Variants in GABBR2 observed in about 807,000 individuals in gnomAD.
The protein encoded by GABBR2 is gamma-aminobutyric acid type B receptor subunit 2.
A neutral mutation model predicts 105.6 loss-of-function variants in GABBR2; 23 were observed. That is an observed-to-expected ratio of 0.22 (90% confidence interval 0.16 to 0.31). The LOEUF (loss-of-function observed/expected upper bound fraction) is 0.31, where lower values mean the gene tolerates loss of function less well. GABBR2 is among the 10% of genes least tolerant of loss of function. The pLI, the probability that GABBR2 is intolerant of heterozygous loss-of-function variation, is 1.00. For synonymous variants in GABBR2, 478 were observed against 499.7 expected (o/e 0.96, Z 0.58); for missense variants, 734 against 1,245.5 (o/e 0.59, Z 6.18).
chr9:98,455,863 A>T (rs1019100964), intron 6 of GABBR2, among the ~76,000 whole-genome samples: 1 of 152,136 alleles, frequency 6.6e-6, no homozygotes, highest in Non-Finnish European at 1.5e-5. Context: ...TGCATGACCA[A>T]ATGTGAATGA....
At chr9:98,414,307 T>A (rs568102763) in intron 7 of GABBR2, among the ~76,000 whole-genome samples, 42 of 152,146 alleles carry the variant, frequency 2.8e-4, no homozygotes, top group African/African-American at 9.4e-4. Flanking sequence ...AGGGGGAGAA[T>A]ATCCTGGAAG....
intron 17 of GABBR2, among the ~76,000 whole-genome samples, chr9:98,295,857 C>T (rs771502609): frequency 5.9e-5 from 9 of 152,138 alleles, no homozygotes; most frequent in Admixed American, 2.6e-4. Context: ...AACATGCATA[C>T]AACAAAATTA....
chr9:98,362,252 T>G (rs1831598378), intron 13 of GABBR2, among the ~76,000 whole-genome samples: 1 of 152,228 alleles, frequency 6.6e-6, no homozygotes, highest in African/African-American at 2.4e-5. Context: ...TACTTTTATG[T>G]GAGGTTCCTT....
chr9:98,475,164 A>G (rs1826764026), intron 5 of GABBR2, among the ~76,000 whole-genome samples: 1 of 152,128 alleles, frequency 6.6e-6, no homozygotes, highest in Non-Finnish European at 1.5e-5. Context: ...ACTTCTCATA[A>G]TGCAACCTCA....
chr9:98,396,911 G>A (rs1427063669), intron 8 of GABBR2, among the ~76,000 whole-genome samples: 1 of 152,112 alleles, frequency 6.6e-6, no homozygotes, highest in Non-Finnish European at 1.5e-5. Flanking sequence ...CTCCCTGGGG[G>A]CAATGTTGGA....
intron 1 of GABBR2, among the ~76,000 whole-genome samples, chr9:98,617,236 T>C (rs920258742): frequency 6.6e-6 from 1 of 152,178 alleles, no homozygotes; most frequent in African/African-American, 2.4e-5. Flanking sequence ...GGGTGCCGGC[T>C]CTGGGTTGGG....
intron 1 of GABBR2, among the ~76,000 whole-genome samples, chr9:98,675,384 G>T (rs1157137497): frequency 6.6e-6 from 1 of 152,158 alleles, no homozygotes; most frequent in East Asian, 1.9e-4. Flanking sequence ...CATGAGCAGT[G>T]AGGCTATGAA....
chr9:98,632,358 G>T (rs1417377832), intron 1 of GABBR2, among the ~76,000 whole-genome samples: 1 of 152,182 alleles, frequency 6.6e-6, no homozygotes, highest in Non-Finnish European at 1.5e-5. Context: ...CCCAAACTAG[G>T]TGCTCAATAA....
chr9:98,388,949 G>T lies in GABBR2; in HGVS notation c.1434C>A (p.Ser478=), dbSNP rs1435836672. 3 of 1,613,518 alleles carry T rather than the reference G, an allele frequency of 1.9e-6. No individual in the cohort carries two copies. The East Asian group carries it at 6.7e-5, about 36-fold the overall frequency. The change falls in exon 10 of 19, where the codon TCC becomes TCA. Residue 478 remains serine (S), a synonymous_variant. Transcript: ENST00000259455. The surrounding 1 kb of genome is among the most constrained non-coding windows in gnomAD (Gnocchi z 4.4). ...TIILEQLRKI[S]LPLYSILSAL... ...CAGAGAGGATGCTGTAGAGAGGTAG[G>T]GAGATCTTCCGCAGCTGCTCCAGGA...
intron 1 of GABBR2, among the ~76,000 whole-genome samples, chr9:98,604,861 T>C (rs372364449): frequency 7.9e-5 from 12 of 152,308 alleles, no homozygotes; most frequent in African/African-American, 2.9e-4. Context: ...AACTAGTTGT[T>C]TGCGGGGCTG....
At chr9:98,598,090 T>C (rs558607273) in intron 1 of GABBR2, among the ~76,000 whole-genome samples, 1 of 152,296 alleles carries the variant, frequency 6.6e-6, no homozygotes, top group East Asian at 1.9e-4. Flanking sequence ...CCCAAAGTGC[T>C]AGGATTACAG....
chr9:98,611,412 T>C (rs116243516), intron 1 of GABBR2, among the ~76,000 whole-genome samples: 4,414 of 152,130 alleles, frequency 0.029, 65 homozygotes, highest in African/African-American at 0.04. Flanking sequence ...TCTCCAACAA[T>C]GAAAACTGCT....
chr9:98,395,076 T>C (rs1341286834), intron 8 of GABBR2, among the ~76,000 whole-genome samples: 1 of 152,190 alleles, frequency 6.6e-6, no homozygotes, highest in Non-Finnish European at 1.5e-5. Context: ...TAGTTCATTG[T>C]TTTGGTCATC....
chr9:98,558,254 A>T (rs1461903037), intron 2 of GABBR2, among the ~76,000 whole-genome samples: 6 of 152,246 alleles, frequency 3.9e-5, no homozygotes, highest in Non-Finnish European at 8.8e-5. Context: ...TTCAAATTTA[A>T]CTGGGCATCC....
intron 7 of GABBR2, among the ~76,000 whole-genome samples, chr9:98,425,375 G>A (rs1452267901): frequency 1.3e-5 from 2 of 152,196 alleles, no homozygotes; most frequent in Non-Finnish European, 2.9e-5. Flanking sequence ...TTTACCTTAA[G>A]GGCAGGGGAA....
chr9:98,299,621 T>A (rs752161990), intron 16 of GABBR2, among the ~76,000 whole-genome samples: 1 of 152,162 alleles, frequency 6.6e-6, no homozygotes, highest in Non-Finnish European at 1.5e-5. Flanking sequence ...ACAAGCAAGC[T>A]CAGGGAGGAA....
At chr9:98,374,125 T>C (rs1416996997) in intron 11 of GABBR2, among the ~76,000 whole-genome samples, 1 of 152,118 alleles carries the variant, frequency 6.6e-6, no homozygotes, top group Non-Finnish European at 1.5e-5. Flanking sequence ...TCTCAAAATG[T>C]TGGGAGTACA....
chr9:98,456,031 C>T (rs1164548321), intron 6 of GABBR2, among the ~76,000 whole-genome samples: 1 of 152,146 alleles, frequency 6.6e-6, no homozygotes, highest in African/African-American at 2.4e-5. Context: ...CCCCAAATCC[C>T]AGGTTCCTCA....
At chr9:98,581,983 C>T (rs76266330) in intron 1 of GABBR2, among the ~76,000 whole-genome samples, 1 of 152,120 alleles carries the variant, frequency 6.6e-6, no homozygotes, top group Admixed American at 6.5e-5. Context: ...ATTTGACAAC[C>T]AGTATTGGAG....
Sources: gnomAD v4.1 joint callset for allele counts (sites outside exome capture counted in the v4.1 genomes callset) on GRCh38, gnomAD v4.1.1 for gene constraint, Gnocchi (gnomAD v3.1) non-coding constraint, MANE v1.5 for transcripts, NCBI Gene and HGNC (gene_info 2026-07-23, HGNC 2026-07-21) for gene names.